The following BAIAP3 variants were observed in gnomAD, a reference collection of about 807,000 sequenced individuals.
BAIAP3 encodes the protein BAI1 associated protein 3, also known as BAI1-associated protein 3.
A neutral mutation model predicts 149.7 loss-of-function variants in BAIAP3; 180 were observed. That is an observed-to-expected ratio of 1.20 (90% CI 1.07 to 1.36). The LOEUF is 1.36. BAIAP3 is among the 40% of genes most tolerant of loss of function. BAIAP3 has a pLI of 0.00. For synonymous variants in BAIAP3, 845 were observed against 670.7 expected (o/e 1.26, Z -4.02); for missense variants, 1,767 against 1,563.4 (o/e 1.13, Z -2.20).
At position 1,338,638 on chromosome 16, in the gene BAIAP3, G is replaced by T; in HGVS notation, c.89G>T (p.Gly30Val). ...SFRRRTEQDP[G>V]SASADPQEPA... ...CGCCGCAGGACTGAGCAGGACCCAG[G>T]GAGTGCCAGCGCCGACCCGCAGGAG... Residue 30 changes from glycine (G) to valine (V), a missense_variant, in exon 2 of 34, where the codon GGG (glycine) becomes GTG (valine). By Grantham distance (109) the Gly-to-Val change is moderately radical (BLOSUM62 -3). Coordinates refer to ENST00000426824, the MANE Select transcript of BAIAP3 (RefSeq NM_001199097.2). 6.3e-7 allele frequency: 1 copy of T among 1,598,586 alleles called. No individual in the cohort carries two copies.
In BAIAP3 at chr16:1,344,462, G is replaced by T; in HGVS notation, c.1603-7G>T. 3.7e-6 allele frequency: 6 copies of T among 1,613,548 alleles called. No individual in the cohort carries two copies. The South Asian group carries it at 5.5e-5, about 15-fold the overall frequency. Reference sequence around the variant, plus strand: ...CCACCATGCTGTCTTGGTGGTGTCTGTTGCAGAGAGGCAACCGTGAGTGGT... The same window carrying T: ...CCACCATGCTGTCTTGGTGGTGTCTTTTGCAGAGAGGCAACCGTGAGTGGT... On this transcript the variant is annotated splice_polypyrimidine_tract_variant and splice_region_variant and intron_variant, in intron 17 of 33. Transcript: ENST00000426824.
intron 5 of BAIAP3, among the ~76,000 whole-genome samples, chr16:1,340,564 GACAC>G (rs373810449): frequency 0.011 from 1,608 of 151,050 alleles, 15 homozygotes; most frequent in Non-Finnish European, 0.017. Context: ...GGTGCACACA[GACAC>G]ACACAGGCTG....
At chr16:1,341,583 C>G in intron 8 of BAIAP3, 94 bp downstream of exon 8, 2 of 1,461,550 alleles carry the variant, frequency 1.4e-6, no homozygotes, top group Non-Finnish European at 1.9e-6. Context: ...CAGCAGCTCC[C>G]GGTCTCTTTG....
rs764482909 is a variant in BAIAP3, at chr16:1,347,321, A to T, written c.2775A>T (p.Ala925=). 9.3e-6 allele frequency: 15 copies of T among 1,613,212 alleles called. No individual in the cohort carries two copies. In the Admixed American group the frequency reaches 1.8e-4, roughly 20 times the overall value. ...AGGCCCTGGTCAGTTTTTTCCACGC[A>T]GAGGGTCAGGGTTTGCCCCTGGAGA... ...TLEALVSFFH[A]EGQGLPLESL... The change falls in exon 29 of 34, where the codon GCA becomes GCT. Residue 925 remains alanine, a synonymous_variant. Transcript: ENST00000426824.
intron 1 of BAIAP3, chr16:1,336,207 G>C (rs566239793): frequency 2.0e-6 from 2 of 985,258 alleles, no homozygotes; most frequent in Non-Finnish European, 2.4e-6. Context: ...ACTGGCTTCG[G>C]GGGACAGCAG....
Position 1,348,163 on chromosome 16 carries a change from T to G in BAIAP3, c.3217T>G (p.Trp1073Gly), listed in dbSNP as rs759090382. 4 of 1,608,796 alleles carry G rather than the reference T, an allele frequency of 2.5e-6. No individual in the cohort carries two copies. In the East Asian group the frequency reaches 6.7e-5, roughly 27 times the overall value. Residue 1073 changes from tryptophan (W) to glycine (G), a missense_variant, in exon 33 of 34, where the codon TGG (tryptophan) becomes GGG (glycine). Coordinates refer to ENST00000426824, the MANE Select transcript of BAIAP3 (RefSeq NM_001199097.2). ...GTTGTTCACCGTCATGGACCACGAC[T>G]GGCTGTCCACCAACGACTTCGCTGG... ...CVLFTVMDHDWLSTNDFAGEA... is the reference protein window; with the variant it reads ...CVLFTVMDHDGLSTNDFAGEA...
At chr16:1,339,393 G>A (rs113817326) in intron 4 of BAIAP3, 103 bp from the exon 5 acceptor site, 93,202 of 1,473,996 alleles carry the variant, frequency 0.063, 3,360 homozygotes, top group South Asian at 0.083. Flanking sequence ...GGCTCCTGGT[G>A]CAAAGAGGCA....
At chr16:1,340,584 C>T (rs113487570) in intron 5 of BAIAP3, among the ~76,000 whole-genome samples, 2,338 of 137,044 alleles carry the variant, frequency 0.017, 71 homozygotes, top group African/African-American at 0.057. Flanking sequence ...GGCTGCATGT[C>T]TACACAGACA....
intron 5 of BAIAP3, among the ~76,000 whole-genome samples, chr16:1,340,646 G>A (rs1359218635): frequency 1.3e-5 from 2 of 152,136 alleles, no homozygotes; most frequent in Non-Finnish European, 2.9e-5. Context: ...GGACGCTCCC[G>A]GCTTCCACCT....
chr16:1,347,340 C>G lies in BAIAP3; in HGVS notation c.2794C>G (p.Leu932Val). ...FFHAEGQGLP[L>V]ESLRDGSYKR... is the part of the protein sequence containing the mutation. ...CCACGCAGAGGGTCAGGGTTTGCCC[C>G]TGGAGAGCCTGAGGGATGGAAGCTA... Residue 932 changes from leucine (L) to valine (V), a missense_variant, in exon 29 of 34, where the codon CTG (leucine) becomes GTG (valine). Physicochemically the swap from Leu to Val is conservative, Grantham distance 32. Transcript: ENST00000426824. The G allele has an allele frequency of 6.2e-7, 1 of 1,613,576 alleles. No individual in the cohort carries two copies. Among genetic ancestry groups the G allele is most frequent in the Non-Finnish European group, 8.5e-7 (1 of 1,179,974 alleles).
At chr16:1,343,636 A>G (rs2034091594) in intron 15 of BAIAP3, 123 bp downstream of exon 15, 1 of 1,420,562 alleles carries the variant, frequency 7.0e-7, no homozygotes, top group African/African-American at 1.4e-5. Context: ...CAAATGGACA[A>G]ACTGTATGAC....
In BAIAP3 at chr16:1,347,363, C is replaced by A. The variant is rs747770731; in HGVS notation, c.2817C>A (p.Ser939Arg). The change falls in exon 29 of 34, where the codon AGC (serine) becomes AGA (arginine). Residue 939 changes from serine to arginine, a missense_variant. Coordinates refer to ENST00000426824, the MANE Select transcript of BAIAP3 (RefSeq NM_001199097.2). The stretch of plus-strand genomic sequence containing the variant: ...CCCTGGAGAGCCTGAGGGATGGAAG[C>A]TACAAGGTGAGGTGGGACCCTCTGT... ...GLPLESLRDGSYKRLKEELRL... is the reference protein window; with the variant it reads ...GLPLESLRDGRYKRLKEELRL... 3 of 1,613,508 alleles carry A rather than the reference C, an allele frequency of 1.9e-6. No individual in the cohort carries two copies. The East Asian group carries it at 6.7e-5, about 36-fold the overall frequency.
Position 1,341,982 on chromosome 16 carries a change from C to T in BAIAP3, c.777-4C>T. On this transcript the variant is annotated splice_polypyrimidine_tract_variant and splice_region_variant and intron_variant, in intron 9 of 33. Transcript: ENST00000426824. ...CAAGCCAGGTCCTCCCCTGTCCCCA[C>T]CAGGGATCATGACGACGATGTATCC... 6.3e-7 allele frequency: 1 copy of T among 1,592,248 alleles called. No homozygotes were observed. Among genetic ancestry groups the T allele is most frequent in the South Asian group, 1.1e-5 (1 of 87,776 alleles).
chr16:1,344,821 C>T lies in BAIAP3; in HGVS notation c.1781C>T (p.Thr594Ile), dbSNP rs148966323. The T allele has an allele frequency of 8.7e-4, 1,404 of 1,613,806 alleles. 1 individual carries two copies. The highest frequency in any genetic ancestry group is 3.5e-3 in the Middle Eastern group (21 of 6,060). The change falls in exon 20 of 34, where the codon ACC becomes ATC. Residue 594 changes from threonine to isoleucine, a missense_variant. Coordinates refer to ENST00000426824, the MANE Select transcript of BAIAP3 (RefSeq NM_001199097.2). ...AGCATCCTCAATGTGGACGTCTTCA[C>T]CCTGACCTTCCGGCAGCTGGAGCGT... ...FHSILNVDVF[T>I]LTFRQLERLV... is the part of the protein sequence containing the mutation.
At chr16:1,347,437 C>G in intron 29 of BAIAP3, 68 bp downstream of exon 29, 2 of 1,591,070 alleles carry the variant, frequency 1.3e-6, no homozygotes, top group Non-Finnish European at 1.7e-6. Context: ...CAGCCCCACA[C>G]GGGCTGTGTC....
At chr16:1,338,841 G>A (rs1596562464) in intron 2 of BAIAP3, 61 bp from the exon 3 acceptor site, 8 of 1,602,800 alleles carry the variant, frequency 5.0e-6, no homozygotes, top group Middle Eastern at 1.7e-4. Context: ...CCCTGGAGTC[G>A]AGGGTCCCAG....
rs936749205 is a variant in BAIAP3 at position 1,344,165 on chromosome 16, G to T, written c.1511+19G>T. ...TGCTGAAGTGGGTGCAGCGCCGCGT[G>T]TCAGCGTGGGTGGGGGCGGCTGGCA... On this transcript the variant is annotated intron_variant, in intron 16 of 33. Transcript: ENST00000426824. The T allele has an allele frequency of 6.2e-7, 1 of 1,612,148 alleles. No homozygotes were observed.
chr16:1,348,139 TTGTTCACCGTCATGGACCACGACTGGC>T lies in BAIAP3; in HGVS notation c.3197_3223del (p.Phe1066_Leu1074del). The T allele has an allele frequency of 6.2e-7, 1 of 1,607,106 alleles. No homozygotes were observed. The highest frequency in any genetic ancestry group is 8.5e-7 in the Non-Finnish European group (1 of 1,179,712). The stretch of plus-strand genomic sequence containing the variant: ...GTGCCGCCGCCGCGCGGCCTGTGTG[TTGTTCACCGTCATGGACCACGACTGGC>T]TGTCCACCAACGACTTCGCTGGGGA... On this transcript the variant is annotated inframe_deletion, in exon 33 of 34. Transcript: ENST00000426824.
rs778657359 is a variant in BAIAP3 at position 1,342,893 on chromosome 16, C to T, written c.1162-20C>T. 14 of 1,612,044 alleles carry T rather than the reference C, an allele frequency of 8.7e-6. No homozygotes were observed. The East Asian group carries it at 2.9e-4, about 33-fold the overall frequency. ...TGTGGGGCTGTCCCGCCTCCACCCACGACAGACCTCCTCCCCCAGCCCAAC... is the reference window on the plus strand; with the variant it reads ...TGTGGGGCTGTCCCGCCTCCACCCATGACAGACCTCCTCCCCCAGCCCAAC... On this transcript the variant is annotated intron_variant, in intron 13 of 33. Transcript: ENST00000426824.
Sources: allele counts gnomAD v4.1 joint callset (sites outside exome capture counted in the v4.1 genomes callset), GRCh38; gene constraint gnomAD v4.1.1; transcripts MANE v1.5; gene names NCBI Gene and HGNC (gene_info 2026-07-23, HGNC 2026-07-21).